RACGAP1: variants seen among roughly 807,000 people sequenced by gnomAD.
RACGAP1 encodes the protein Rac GTPase activating protein 1, also known as rac GTPase-activating protein 1.
Under a neutral mutation model 78.1 loss-of-function variants are expected in RACGAP1, and 30 were observed. The ratio of observed to expected loss-of-function variants is 0.38; its 90% CI spans 0.29 to 0.52. RACGAP1 has a LOEUF of 0.52. RACGAP1 is among the 20% of genes least tolerant of loss of function. The pLI, the probability that RACGAP1 is intolerant of heterozygous loss-of-function variation, is 0.82. For missense variants in RACGAP1, 587 were observed against 777.1 expected (o/e 0.76, Z 2.91); for synonymous variants, 231 against 264.8 (o/e 0.87, Z 1.24).
chr12:50,018,374 CA>C, intron 1 of RACGAP1: 1 of 449,268 alleles, frequency 2.2e-6, no homozygotes, highest in South Asian at 2.0e-5. Flanking sequence ...AGCTGCTAAG[CA>C]ACCAGACCAA....
rs1056679716 is a variant in RACGAP1 at position 50,018,486 on chromosome 12, A to T, written c.-4-1767T>A. On this transcript the variant is annotated intron_variant, in intron 1 of 16. Transcript: ENST00000312377. ...TGTGGAATTCATGGAGATGCCATGG[A>T]TTTAACATATAATGAAATAGGCAAC... is the stretch of plus-strand genomic sequence containing the variant. 3.3e-6 allele frequency: 4 copies of T among 1,226,428 alleles called. No homozygotes were observed. The African/African-American group carries it at 6.2e-5, about 19-fold the overall frequency. The allele number at this position is 1,226,428 out of a possible 1,614,324, so 76.0% of individuals were successfully genotyped here. A position where few individuals can be genotyped will look rare whatever the true frequency, so the allele number is the denominator to read the frequency against.
At chr12:50,018,672 G>C in intron 1 of RACGAP1, 1 of 739,538 alleles carries the variant, frequency 1.4e-6, no homozygotes, top group South Asian at 1.6e-5. Context: ...CTTATATATC[G>C]TGAGACTATA....
At position 49,992,622 on chromosome 12, in the gene RACGAP1, A is replaced by G. The variant is rs774784118; in HGVS notation, c.1373T>C (p.Met458Thr). The G allele has an allele frequency of 5.6e-6, 9 of 1,613,966 alleles. No homozygotes were observed. The highest frequency in any genetic ancestry group is 1.6e-4 in the Middle Eastern group (1 of 6,062). Residue 458 changes from methionine to threonine, a missense_variant, in exon 13 of 17, where the codon ATG (methionine) becomes ACG (threonine). By Grantham distance (81) the Met-to-Thr change is moderately conservative. Coordinates refer to ENST00000312377, the MANE Select transcript of RACGAP1 (RefSeq NM_001319999.2). ...GGGCAGTTCACCAACAGCTTGGTACATGGCAGCTATGCTGTTGTCTTCATC... is the reference window on the plus strand; with the variant it reads ...GGGCAGTTCACCAACAGCTTGGTACGTGGCAGCTATGCTGTTGTCTTCATC... Reference protein sequence around the residue: ...ITDEDNSIAAMYQAVGELPQA... With the variant: ...ITDEDNSIAATYQAVGELPQA...
Position 50,009,753 on chromosome 12 carries a change from A to T in RACGAP1, c.86-3117T>A, listed in dbSNP as rs113085686. Among the ~76,000 whole-genome samples, 1,284 of 152,268 alleles carry T rather than the reference A, an allele frequency of 8.4e-3. 18 individuals are homozygous for T. The highest frequency in any genetic ancestry group is 0.029 in the African/African-American group (1,223 of 41,550). On this transcript the variant is annotated intron_variant, in intron 2 of 16. Transcript: ENST00000312377. ...TATGCAATAAATACCCCTCTAGCTA[A>T]ACCAGTCTGTCCCTGCCCCCAGAAC...
chr12:50,023,631 G>C (rs928157914), intron 1 of RACGAP1, among the ~76,000 whole-genome samples: 1 of 152,124 alleles, frequency 6.6e-6, no homozygotes, highest in South Asian at 2.1e-4. Flanking sequence ...TACTCCGGAG[G>C]CTGAGGCAGA....
chr12:49,992,357 G>A lies in RACGAP1; in HGVS notation c.1466C>T (p.Thr489Ile). Residue 489 changes from threonine (T) to isoleucine (I), a missense_variant, in exon 14 of 17, where the codon ACT (threonine) becomes ATT (isoleucine). Transcript: ENST00000312377. ...AGCCAGATTGGCAACATCCATTTTA[G>A]TATGTGGACTCTGAGCCACTCTAAG... ...HLQRVAQSPH[T>I]KMDVANLAKV... is the part of the protein sequence containing the mutation. The A allele has an allele frequency of 6.2e-7, 1 of 1,614,154 alleles. No homozygotes were observed. Among genetic ancestry groups the A allele is most frequent in the Non-Finnish European group, 8.5e-7 (1 of 1,180,010 alleles).
At chr12:50,007,965 T>C (rs528499152) in intron 2 of RACGAP1, among the ~76,000 whole-genome samples, 1 of 151,160 alleles carries the variant, frequency 6.6e-6, no homozygotes, top group Non-Finnish European at 1.5e-5. Context: ...ACCGTATGCA[T>C]ACACACTCAA....
chr12:50,014,477 T>G (rs929384397), intron 2 of RACGAP1, among the ~76,000 whole-genome samples: 1 of 152,196 alleles, frequency 6.6e-6, no homozygotes, highest in African/African-American at 2.4e-5. Context: ...GGCACAATCA[T>G]AGTTCACTGT....
chr12:49,991,477 ATATTTTT>A (rs1264731559), intron 15 of RACGAP1, among the ~76,000 whole-genome samples: 2 of 36,964 alleles, frequency 5.4e-5, no homozygotes, highest in African/African-American at 1.7e-4. Flanking sequence ...ATATATATAT[ATATTTTT>A]TTTTTTTTTT....
chr12:49,995,930 G>T (rs1251056577), intron 10 of RACGAP1, among the ~76,000 whole-genome samples: 1 of 152,170 alleles, frequency 6.6e-6, no homozygotes, highest in Non-Finnish European at 1.5e-5. Context: ...TTTTATCACA[G>T]ATAAAATTAT....
At chr12:50,015,866 G>A (rs1041143460) in intron 2 of RACGAP1, among the ~76,000 whole-genome samples, 1 of 150,958 alleles carries the variant, frequency 6.6e-6, no homozygotes, top group African/African-American at 2.4e-5. Context: ...GGGCATGGTG[G>A]CGCAACCTGG....
intron 7 of RACGAP1, among the ~76,000 whole-genome samples, chr12:50,000,276 G>A (rs1039825724): frequency 9.9e-5 from 15 of 151,992 alleles, no homozygotes; most frequent in Non-Finnish European, 2.2e-4. Context: ...GCCTCCCAAA[G>A]TGCTAGGATT....
At chr12:49,990,868 AT>A in intron 15 of RACGAP1, 76 bp from the exon 16 acceptor site, 2 of 1,127,564 alleles carry the variant, frequency 1.8e-6, no homozygotes, top group Non-Finnish European at 2.7e-6. Context: ...TTTTAAGCTG[AT>A]TACCCTCTGA....
chr12:50,001,219 G>A lies in RACGAP1; in HGVS notation c.583C>T (p.Pro195Ser). The change falls in exon 7 of 17, where the codon CCT becomes TCT. Residue 195 changes from proline to serine, a missense_variant. Transcript: ENST00000312377. The stretch of plus-strand genomic sequence containing the variant: ...GAACGAGTTTTCTTTACAGGTCCAG[G>A]GGGACCATCAACAAACTGTCGGCTA... Reference protein sequence around the residue: ...STSRQFVDGPPGPVKKTRSIG... With the variant: ...STSRQFVDGPSGPVKKTRSIG... 6.2e-7 allele frequency: 1 copy of A among 1,612,222 alleles called. No individual in the cohort carries two copies. Among genetic ancestry groups the A allele is most frequent in the East Asian group, 2.2e-5 (1 of 44,842 alleles).
At chr12:49,995,505 T>C (rs1003861136) in intron 10 of RACGAP1, among the ~76,000 whole-genome samples, 1 of 152,142 alleles carries the variant, frequency 6.6e-6, no homozygotes, top group African/African-American at 2.4e-5. Flanking sequence ...AATTTTTTTT[T>C]TTTTTGAGAT....
At chr12:50,006,955 A>T (rs1949012341) in intron 2 of RACGAP1, among the ~76,000 whole-genome samples, 1 of 152,214 alleles carries the variant, frequency 6.6e-6, no homozygotes, top group Admixed American at 6.5e-5. Flanking sequence ...ACAGAAGGCA[A>T]TCAAAGGGGG....
intron 5 of RACGAP1, 88 bp downstream of exon 5, chr12:50,004,147 G>T (rs1948837908): frequency 6.7e-7 from 1 of 1,484,876 alleles, no homozygotes. Context: ...AGTAATATAG[G>T]ATGTTCAGAA....
chr12:50,006,398 C>A (rs1010502013), intron 3 of RACGAP1, 36 bp downstream of exon 3: 1 of 1,608,196 alleles, frequency 6.2e-7, no homozygotes, highest in Admixed American at 1.7e-5. Context: ...CCCCCTCCTG[C>A]ATCATCACTG....
At chr12:50,019,986 C>T (rs1304365496) in intron 1 of RACGAP1, among the ~76,000 whole-genome samples, 1 of 152,128 alleles carries the variant, frequency 6.6e-6, no homozygotes, top group Non-Finnish European at 1.5e-5. Flanking sequence ...CATCCTAAAA[C>T]AGTGATTCTC....
Sources: gnomAD v4.1 joint callset for allele counts (sites outside exome capture counted in the v4.1 genomes callset) on GRCh38, gnomAD v4.1.1 for gene constraint, MANE v1.5 for transcripts, NCBI Gene and HGNC (gene_info 2026-07-23, HGNC 2026-07-21) for gene names.